The following ADGRB3 variants were observed in gnomAD, a reference collection of about 807,000 sequenced individuals.
The protein encoded by ADGRB3 is adhesion G protein-coupled receptor B3.
In ADGRB3, 37 loss-of-function variants were observed where a neutral mutation model predicts 193.4. The observed-to-expected ratio is 0.19, with a 90% CI of 0.15 to 0.25. The LOEUF (loss-of-function observed/expected upper bound fraction) is 0.25. Among genes scored for constraint, ADGRB3 ranks in the 10% least tolerant of loss-of-function variants. The pLI, the probability that ADGRB3 is intolerant of heterozygous loss-of-function variation, is 1.00. For missense variants in ADGRB3, 1,637 were observed against 1,852.9 expected (o/e 0.88, Z 2.14); for synonymous variants, 690 against 644.2 (o/e 1.07, Z -1.08).
intron 15 of ADGRB3, among the ~76,000 whole-genome samples, chr6:69,062,348 T>A (rs1771772782): frequency 6.6e-6 from 1 of 151,916 alleles, no homozygotes; most frequent in Non-Finnish European, 1.5e-5. Context: ...AGGCAAAATG[T>A]CTTTCTTAGA....
At chr6:68,674,928 G>C (rs1199263253) in intron 3 of ADGRB3, among the ~76,000 whole-genome samples, 1 of 152,182 alleles carries the variant, frequency 6.6e-6, no homozygotes, top group Non-Finnish European at 1.5e-5. Flanking sequence ...GTTCTACCTG[G>C]AGTATAGGGT....
At chr6:69,304,686 A>C (rs1178134778) in intron 20 of ADGRB3, among the ~76,000 whole-genome samples, 1 of 151,452 alleles carries the variant, frequency 6.6e-6, no homozygotes, top group Non-Finnish European at 1.5e-5. Flanking sequence ...ACAGTATAGA[A>C]CTTGGTGATA....
At chr6:68,855,861 A>C (rs1270916497) in intron 3 of ADGRB3, among the ~76,000 whole-genome samples, 1 of 152,048 alleles carries the variant, frequency 6.6e-6, no homozygotes. Context: ...TCTCTACAAA[A>C]ATTTTCTTTA....
chr6:69,124,741 T>C (rs941073041), intron 17 of ADGRB3, among the ~76,000 whole-genome samples: 7 of 152,228 alleles, frequency 4.6e-5, no homozygotes, highest in Non-Finnish European at 8.8e-5. Context: ...TATTCCTTTT[T>C]TCCATATATG....
chr6:69,375,991 A>G (rs1035420449), intron 30 of ADGRB3, among the ~76,000 whole-genome samples: 1 of 151,394 alleles, frequency 6.6e-6, no homozygotes, highest in African/African-American at 2.4e-5. Flanking sequence ...CTGTATCCAT[A>G]TACTTGTCAT....
intron 17 of ADGRB3, among the ~76,000 whole-genome samples, chr6:69,223,548 A>T (rs1418165550): frequency 6.6e-6 from 1 of 152,070 alleles, no homozygotes; most frequent in Non-Finnish European, 1.5e-5. Flanking sequence ...CACCATAATT[A>T]TAATTTCAAA....
At chr6:68,678,166 A>C (rs1764802021) in intron 3 of ADGRB3, among the ~76,000 whole-genome samples, 1 of 152,134 alleles carries the variant, frequency 6.6e-6, no homozygotes, top group Non-Finnish European at 1.5e-5. Flanking sequence ...CATGCTTGTA[A>C]TCCCAGCTCT....
chr6:68,918,463 T>C (rs567958442), intron 3 of ADGRB3, among the ~76,000 whole-genome samples: 1 of 152,292 alleles, frequency 6.6e-6, no homozygotes, highest in Admixed American at 6.5e-5. Flanking sequence ...ATTACTAATA[T>C]GCAATACCCA....
In ADGRB3 at chr6:68,936,609, C is replaced by T; in HGVS notation, c.959C>T (p.Ser320Leu). ...GSQVRTRTCV[S>L]PYGTHCSGPL... ...CAGGTGCGAACCAGAACTTGTGTAT[C>T]ACCTTACGGGACACACTGCAGCGGC... The change falls in exon 5 of 32, where the codon TCA becomes TTA. Residue 320 changes from serine to leucine, a missense_variant. This residue lies in a region of ADGRB3 where 365 missense variants were observed against 409.8 expected (regional missense o/e 0.89). Transcript: ENST00000370598. 1 of 1,613,982 alleles carries T rather than the reference C, an allele frequency of 6.2e-7. No individual in the cohort carries two copies. Among genetic ancestry groups the T allele is most frequent in the Non-Finnish European group, 8.5e-7 (1 of 1,179,970 alleles).
At chr6:69,035,651 G>A (rs1770846892) in intron 13 of ADGRB3, among the ~76,000 whole-genome samples, 1 of 152,140 alleles carries the variant, frequency 6.6e-6, no homozygotes, top group Non-Finnish European at 1.5e-5. Context: ...TATGCTGACT[G>A]CATTGTGGAG....
chr6:69,163,970 A>G (rs1582510999), intron 17 of ADGRB3, among the ~76,000 whole-genome samples: 2 of 152,138 alleles, frequency 1.3e-5, no homozygotes, highest in Non-Finnish European at 2.9e-5. Flanking sequence ...TCTTTCAGGT[A>G]TGAGGCTGCT....
At chr6:69,004,782 C>T (rs2150280814) in intron 11 of ADGRB3, among the ~76,000 whole-genome samples, 1 of 152,256 alleles carries the variant, frequency 6.6e-6, no homozygotes, top group East Asian at 1.9e-4. Context: ...GGTACTAGGA[C>T]TTTAACATAA....
intron 3 of ADGRB3, among the ~76,000 whole-genome samples, chr6:68,817,303 CCATGTATATATATATATATATATA>C (rs1228810911): frequency 3.1e-5 from 1 of 32,770 alleles, no homozygotes; most frequent in Non-Finnish European, 7.4e-5. Flanking sequence ...TCCCTTTTGT[CCATGTATATATATATATATATATA>C]TATATATATA....
At chr6:68,784,167 A>G (rs947212173) in intron 3 of ADGRB3, among the ~76,000 whole-genome samples, 1 of 152,146 alleles carries the variant, frequency 6.6e-6, no homozygotes, top group African/African-American at 2.4e-5. Context: ...TTATGAATTT[A>G]GTAGCATAGC....
chr6:68,828,056 G>A (rs1380050252), intron 3 of ADGRB3, among the ~76,000 whole-genome samples: 5 of 152,102 alleles, frequency 3.3e-5, no homozygotes, highest in East Asian at 1.9e-4. Context: ...TGCACAAAAC[G>A]CACATAGTAT....
chr6:69,104,569 A>G (rs573904933), intron 17 of ADGRB3, among the ~76,000 whole-genome samples: 9 of 152,102 alleles, frequency 5.9e-5, no homozygotes, highest in African/African-American at 1.9e-4. Flanking sequence ...TCAACATTTT[A>G]ATAAAAATGT....
At chr6:68,712,920 TA>T (rs1421868368) in intron 3 of ADGRB3, among the ~76,000 whole-genome samples, 2 of 149,146 alleles carry the variant, frequency 1.3e-5, no homozygotes, top group African/African-American at 4.8e-5. Flanking sequence ...TAATTTTTTT[TA>T]TAAATTCATT....
intron 14 of ADGRB3, 37 bp from the exon 15 acceptor site, chr6:69,049,234 T>G (rs766046385): frequency 1.6e-5 from 23 of 1,433,046 alleles, no homozygotes; most frequent in Non-Finnish European, 2.1e-5. Flanking sequence ...AGTATTTTCT[T>G]GCTGTTTGCT....
At chr6:69,188,833 T>C (rs1354877885) in intron 17 of ADGRB3, among the ~76,000 whole-genome samples, 1 of 152,172 alleles carries the variant, frequency 6.6e-6, no homozygotes, top group African/African-American at 2.4e-5. Flanking sequence ...TCCATATATC[T>C]TTTTTTAATT....
Sources: allele counts gnomAD v4.1 joint callset (sites outside exome capture counted in the v4.1 genomes callset), GRCh38; gene constraint gnomAD v4.1.1; regional missense constraint gnomAD v4.1.1; transcripts MANE v1.5; gene names NCBI Gene and HGNC (gene_info 2026-07-23, HGNC 2026-07-21).